WDR25: variants seen among roughly 807,000 people sequenced by gnomAD.
WDR25 encodes the protein WD repeat domain 25, also known as WD repeat-containing protein 25.
In WDR25, 35 loss-of-function variants were observed where a neutral mutation model predicts 47.7. That is an observed-to-expected ratio of 0.73 (90% CI 0.56 to 0.97). The LOEUF is 0.97. Among genes scored for constraint, WDR25 ranks in the 50% least tolerant of loss-of-function variants. The probability of loss-of-function intolerance (pLI) is 0.00; values close to 1 mark genes in which losing one functional copy is unlikely to be tolerated. For synonymous variants in WDR25, 248 were observed against 278.9 expected, an observed-to-expected ratio of 0.89 and a Z score of 1.10; for missense variants, 634 against 704.7, an observed-to-expected ratio of 0.90 and a Z score of 1.14.
At chr14:100,519,491 T>G (rs188210209) in intron 4 of WDR25, among the ~76,000 whole-genome samples, 46 of 151,750 alleles carry the variant, frequency 3.0e-4, no homozygotes, top group Non-Finnish European at 4.9e-4. Flanking sequence ...CTTCATCTCT[T>G]GAAGTGTGAT....
chr14:100,526,873 T>A, intron 5 of WDR25, among the ~76,000 whole-genome samples: 1 of 89,198 alleles, frequency 1.1e-5, no homozygotes, highest in Non-Finnish European at 2.7e-5. Flanking sequence ...ACCATCAGCA[T>A]CACTATCTTT....
intron 2 of WDR25, among the ~76,000 whole-genome samples, chr14:100,412,693 A>T (rs1454617617): frequency 6.6e-6 from 1 of 152,130 alleles, no homozygotes; most frequent in Non-Finnish European, 1.5e-5. Context: ...GGTTTGCCTT[A>T]TATTTGGGAT....
chr14:100,480,751 A>G (rs1900170523), intron 3 of WDR25, among the ~76,000 whole-genome samples: 1 of 152,218 alleles, frequency 6.6e-6, no homozygotes, highest in Admixed American at 6.5e-5. Context: ...GTGGTTACAA[A>G]TATGATAATG....
rs1337559670 is a variant in WDR25, at chr14:100,488,924, G to A, written c.1101+4800G>A. 2.6e-5 allele frequency among the ~76,000 whole-genome samples: 4 copies of A among 152,216 alleles called. No individual in the cohort carries two copies. The highest frequency in any genetic ancestry group is 9.6e-5 in the African/African-American group (4 of 41,456). On this transcript the variant is annotated intron_variant, in intron 4 of 6. Coordinates refer to ENST00000402312, the MANE Select transcript of WDR25 (RefSeq NM_001161476.3). This position sits in a 1 kb window ranked among gnomAD's most constrained non-coding sequence, Gnocchi z 4.2. ...CTCTGTGCCTGGCATCCCCGACAGG[G>A]CCTGGACCAGAGCAGGTGTTCAGGA...
chr14:100,388,443 T>A (rs949573158), intron 2 of WDR25, among the ~76,000 whole-genome samples: 4 of 152,250 alleles, frequency 2.6e-5, no homozygotes, highest in Non-Finnish European at 4.4e-5. Flanking sequence ...ACACTATATT[T>A]GCTTCTCTTC....
At chr14:100,491,538 A>G (rs1900565825) in intron 4 of WDR25, among the ~76,000 whole-genome samples, 1 of 152,262 alleles carries the variant, frequency 6.6e-6, no homozygotes, top group Non-Finnish European at 1.5e-5. Flanking sequence ...CCTAGGAGCC[A>G]TAGGCTAGAC....
chr14:100,414,695 T>G (rs558287464), intron 2 of WDR25, among the ~76,000 whole-genome samples: 118 of 152,252 alleles, frequency 7.8e-4, no homozygotes, highest in African/African-American at 2.7e-3. Context: ...GGAGTGGAAC[T>G]GCAGGCTCAT....
At chr14:100,516,777 A>G (rs965182307) in intron 4 of WDR25, among the ~76,000 whole-genome samples, 4 of 152,180 alleles carry the variant, frequency 2.6e-5, no homozygotes, top group Non-Finnish European at 5.9e-5. Flanking sequence ...GCTGTCTTGT[A>G]GACTAGATAC....
chr14:100,404,290 C>G lies in WDR25; in HGVS notation c.822+22544C>G, dbSNP rs528487191. Among the ~76,000 whole-genome samples the G allele has an allele frequency of 7.2e-5, 11 of 152,164 alleles. No individual in the cohort carries two copies. Among genetic ancestry groups the G allele is most frequent in the Non-Finnish European group, 1.3e-4 (9 of 68,030 alleles). On this transcript the variant is annotated intron_variant, in intron 2 of 6. Coordinates refer to ENST00000402312, the MANE Select transcript of WDR25 (RefSeq NM_001161476.3). The surrounding 1 kb of genome is among the most constrained non-coding windows in gnomAD (Gnocchi z 4.6). ...GGAATGGAGTCCAGGGCTGTTTGCT[C>G]CCAAAGTCTATGTTCGTTCCACTCT...
chr14:100,524,640 G>A (rs1214300579), intron 4 of WDR25, among the ~76,000 whole-genome samples: 4 of 152,116 alleles, frequency 2.6e-5, no homozygotes, highest in Admixed American at 1.3e-4. Context: ...AGAGAAGAGC[G>A]GTCATCTGTT....
Position 100,498,031 on chromosome 14 carries a change from C to T in WDR25, c.1101+13907C>T, listed in dbSNP as rs1173380933. Reference sequence around the variant, plus strand: ...AGTGATTGTGCCAACCTCCATGGACCTGCAGTATAACTCTGCAAAGATTGT... The same window carrying T: ...AGTGATTGTGCCAACCTCCATGGACTTGCAGTATAACTCTGCAAAGATTGT... On this transcript the variant is annotated intron_variant, in intron 4 of 6. Coordinates refer to ENST00000402312, the MANE Select transcript of WDR25 (RefSeq NM_001161476.3). The surrounding 1 kb of genome is among the most constrained non-coding windows in gnomAD (Gnocchi z 4.2). 6.6e-6 allele frequency among the ~76,000 whole-genome samples: 1 copy of T among 152,226 alleles called. No homozygotes were observed. The highest frequency in any genetic ancestry group is 1.5e-5 in the Non-Finnish European group (1 of 68,046).
chr14:100,449,238 T>C lies in WDR25; in HGVS notation c.823-18783T>C, dbSNP rs1045367233. On this transcript the variant is annotated intron_variant, in intron 2 of 6. Coordinates refer to ENST00000402312, the MANE Select transcript of WDR25 (RefSeq NM_001161476.3). The surrounding 1 kb of genome is among the most constrained non-coding windows in gnomAD (Gnocchi z 4.2). The stretch of plus-strand genomic sequence containing the variant: ...ACTCATTTTTATGCAAATTGAGAAA[T>C]CTTGATGAAAACGATCACTTCCATC... Among the ~76,000 whole-genome samples, 1 of 152,196 alleles carries C rather than the reference T, an allele frequency of 6.6e-6. No individual in the cohort carries two copies. The highest frequency in any genetic ancestry group is 6.5e-5 in the Admixed American group (1 of 15,284).
intron 2 of WDR25, among the ~76,000 whole-genome samples, chr14:100,400,433 T>C (rs907775644): frequency 1.3e-5 from 2 of 152,196 alleles, no homozygotes; most frequent in African/African-American, 4.8e-5. Context: ...TAGCTAGGAT[T>C]TGGAGTTTTG....
intron 4 of WDR25, among the ~76,000 whole-genome samples, chr14:100,495,841 G>T (rs1258245028): frequency 6.6e-6 from 1 of 152,114 alleles, no homozygotes; most frequent in Admixed American, 6.5e-5. Flanking sequence ...CCATTGTATG[G>T]ATATACACAT....
At chr14:100,417,520 A>G (rs1173008282) in intron 2 of WDR25, among the ~76,000 whole-genome samples, 1 of 151,834 alleles carries the variant, frequency 6.6e-6, no homozygotes, top group African/African-American at 2.4e-5. Flanking sequence ...TGCTCCAGCC[A>G]CTCTTCCCTG....
At chr14:100,472,991 T>C (rs1013610284) in intron 3 of WDR25, among the ~76,000 whole-genome samples, 1 of 152,202 alleles carries the variant, frequency 6.6e-6, no homozygotes, top group African/African-American at 2.4e-5. Flanking sequence ...TCATGTTGTG[T>C]GGAAGTGAGC....
intron 2 of WDR25, among the ~76,000 whole-genome samples, chr14:100,464,628 A>G (rs1326396783): frequency 6.7e-6 from 1 of 150,126 alleles, no homozygotes; most frequent in East Asian, 2.0e-4. Flanking sequence ...CCCACACCCC[A>G]TCGCATCAAC....
intron 3 of WDR25, among the ~76,000 whole-genome samples, chr14:100,478,975 A>G (rs886381061): frequency 5.9e-5 from 9 of 152,136 alleles, no homozygotes; most frequent in African/African-American, 1.4e-4. Context: ...AGGATTGGCA[A>G]TGAATTCCAA....
At chr14:100,380,467 C>CT (rs1896854185) in intron 1 of WDR25, among the ~76,000 whole-genome samples, 1 of 151,444 alleles carries the variant, frequency 6.6e-6, no homozygotes, top group Non-Finnish European at 1.5e-5. Flanking sequence ...GTAGAAAAGC[C>CT]TTTTTTGTTT....
Sources: allele counts gnomAD v4.1 joint callset (sites outside exome capture counted in the v4.1 genomes callset), GRCh38; gene constraint gnomAD v4.1.1; non-coding constraint Gnocchi (gnomAD v3.1); transcripts MANE v1.5; gene names NCBI Gene and HGNC (gene_info 2026-07-23, HGNC 2026-07-21).